GALNT12: variants seen among roughly 807,000 people sequenced by gnomAD.
GALNT12 encodes the protein polypeptide N-acetylgalactosaminyltransferase 12.
In GALNT12, 45 loss-of-function variants were observed where a neutral mutation model predicts 55.5. The ratio of observed to expected loss-of-function variants is 0.81; its 90% CI spans 0.64 to 1.04. GALNT12 has a LOEUF of 1.04. GALNT12 is among the 50% of genes least tolerant of loss of function. The pLI, the probability that GALNT12 is intolerant of heterozygous loss-of-function variation, is 0.00. For synonymous variants in GALNT12, 304 were observed against 312.2 expected (o/e 0.97, Z 0.28); for missense variants, 709 against 754.8 (o/e 0.94, Z 0.71).
intron 3 of GALNT12, among the ~76,000 whole-genome samples, chr9:98,828,082 T>A (rs1266619432): frequency 6.6e-6 from 1 of 152,228 alleles, no homozygotes; most frequent in Non-Finnish European, 1.5e-5. Flanking sequence ...GGAAGGGATC[T>A]TTGCTTGGCC....
At chr9:98,845,708 G>GC (rs1379422168) in intron 8 of GALNT12, among the ~76,000 whole-genome samples, 1 of 152,116 alleles carries the variant, frequency 6.6e-6, no homozygotes, top group African/African-American at 2.4e-5. Context: ...CTGCAGGCAG[G>GC]AGGTGACATG....
rs1250067386 is a variant in GALNT12, at chr9:98,828,636, G to T, written c.731+1695G>T. On this transcript the variant is annotated intron_variant, in intron 3 of 9. Transcript: ENST00000375011. ...GATTTTCCACCTCGGTTGTCTGTTA[G>T]AAATACCTGGGAAACTTTAAAAAAT... Among the ~76,000 whole-genome samples the T allele has an allele frequency of 2.6e-5, 4 of 152,214 alleles. No individual in the cohort carries two copies. The East Asian group carries it at 7.7e-4, about 29-fold the overall frequency.
chr9:98,823,123 G>A (rs889240934), intron 1 of GALNT12, 133 bp from the exon 2 acceptor site: 1 of 821,890 alleles, frequency 1.2e-6, no homozygotes, highest in Non-Finnish European at 2.1e-6. Context: ...GCCACAAGGG[G>A]AGCTCTGGAA....
chr9:98,813,146 A>C (rs1835528644), intron 1 of GALNT12, among the ~76,000 whole-genome samples: 1 of 152,212 alleles, frequency 6.6e-6, no homozygotes, highest in Non-Finnish European at 1.5e-5. Flanking sequence ...TGCTGTAGAG[A>C]GGTCTATTGT....
chr9:98,829,333 C>G (rs1198450013), intron 3 of GALNT12, among the ~76,000 whole-genome samples: 1 of 151,670 alleles, frequency 6.6e-6, no homozygotes, highest in African/African-American at 2.4e-5. Flanking sequence ...GGATTACAGG[C>G]ATGCACTACC....
chr9:98,823,375 C>A lies in GALNT12; in HGVS notation c.491C>A (p.Pro164Gln), dbSNP rs775040546. 1 of 1,614,162 alleles carries A rather than the reference C, an allele frequency of 6.2e-7. No homozygotes were observed. Among genetic ancestry groups the A allele is most frequent in the Middle Eastern group, 1.6e-4 (1 of 6,062 alleles). Residue 164 changes from proline to glutamine, a missense_variant, in exon 2 of 10, where the codon CCG (proline) becomes CAG (glutamine). Physicochemically the swap from Pro to Gln is moderately conservative, Grantham distance 76. Coordinates refer to ENST00000375011, the MANE Select transcript of GALNT12 (RefSeq NM_024642.5). Reference protein sequence around the residue: ...RTVYSVLETSPDILLEEVILV... With the variant: ...RTVYSVLETSQDILLEEVILV... ...GTTTACAGTGTCCTTGAGACATCCCCGGATATCCTGCTAGAAGAAGTGATC... is the reference window on the plus strand; with the variant it reads ...GTTTACAGTGTCCTTGAGACATCCCAGGATATCCTGCTAGAAGAAGTGATC...
chr9:98,833,458 A>C (rs1183573142), intron 4 of GALNT12, among the ~76,000 whole-genome samples: 1 of 152,180 alleles, frequency 6.6e-6, no homozygotes, highest in Non-Finnish European at 1.5e-5. Flanking sequence ...AGCAGGTAGA[A>C]GCCACTGAAG....
rs146370762 is a variant in GALNT12, at chr9:98,826,789, A to T, written c.579A>T (p.Gly193=). 1 of 1,611,966 alleles carries T rather than the reference A, an allele frequency of 6.2e-7. No homozygotes were observed. Among genetic ancestry groups the T allele is most frequent in the South Asian group, 1.1e-5 (1 of 90,770 alleles). Residue 193 remains glycine, a synonymous_variant, in exon 3 of 10, where the codon GGA becomes GGT. Coordinates refer to ENST00000375011, the MANE Select transcript of GALNT12 (RefSeq NM_024642.5). ...LKERLANELS[G]LPKVRLIRAN... is the part of the protein sequence containing the mutation. ...AGCGCTTGGCCAATGAGCTTTCGGG[A>T]CTGCCCAAGGTGCGCCTGATCCGCG...
At chr9:98,835,098 G>A (rs996803405) in intron 4 of GALNT12, 151 bp from the exon 5 acceptor site, 1 of 725,986 alleles carries the variant, frequency 1.4e-6, no homozygotes, top group African/African-American at 1.7e-5. Context: ...ATGCCTCCAG[G>A]CCCAGCCTAG....
Position 98,821,934 on chromosome 9 carries a change from C to G in GALNT12, c.372-1322C>G, listed in dbSNP as rs116971165. On this transcript the variant is annotated intron_variant, in intron 1 of 9. Coordinates refer to ENST00000375011, the MANE Select transcript of GALNT12 (RefSeq NM_024642.5). The stretch of plus-strand genomic sequence containing the variant: ...TTGTTTGTTTAGTTGATTACTGTCC[C>G]CCTGAATATGAGCTGCATGGGAGCA... 5.0e-3 allele frequency among the ~76,000 whole-genome samples: 764 copies of G among 152,266 alleles called. 6 individuals carry two copies. The highest frequency in any genetic ancestry group is 0.022 in the South Asian group (106 of 4,810).
In GALNT12 at chr9:98,826,912, C is replaced by A; in HGVS notation, c.702C>A (p.His234Gln). ...TCCTGGACTGTCACTGTGAGTGCCA[C>A]GAAGGGTGGCTGGAGCCGCTGCTGC... ...LTFLDCHCEC[H>Q]EGWLEPLLQR... Residue 234 changes from histidine (H) to glutamine (Q), a missense_variant, in exon 3 of 10, where the codon CAC (histidine) becomes CAA (glutamine). Physicochemically the swap from His to Gln is conservative, Grantham distance 24 (BLOSUM62 0). Around this residue, in one of 5 missense-constraint regions of GALNT12, gnomAD observed 315 missense variants for 288.6 expected, o/e 1.09. Transcript: ENST00000375011. 1 of 1,573,130 alleles carries A rather than the reference C, an allele frequency of 6.4e-7. No individual in the cohort carries two copies. The highest frequency in any genetic ancestry group is 8.6e-7 in the Non-Finnish European group (1 of 1,159,368).
intron 7 of GALNT12, among the ~76,000 whole-genome samples, chr9:98,842,843 A>C (rs908108071): frequency 6.6e-6 from 1 of 152,248 alleles, no homozygotes; most frequent in Admixed American, 6.5e-5. Flanking sequence ...TGTTTAACTC[A>C]GTATATCCCA....
At chr9:98,820,747 C>T (rs1835717897) in intron 1 of GALNT12, among the ~76,000 whole-genome samples, 1 of 152,220 alleles carries the variant, frequency 6.6e-6, no homozygotes, top group African/African-American at 2.4e-5. Context: ...TCTCCACAAC[C>T]TTGCCAGCAT....
Position 98,839,986 on chromosome 9 carries a change from TTTG to T in GALNT12, c.1213-10_1213-8del, listed in dbSNP as rs774753845. ...ACTAGGACCCATGGGGTCTCACTGTTTTGTTGTTTTCTCAGGAACCTTTTGGGG... is the reference window on the plus strand; with the variant it reads ...ACTAGGACCCATGGGGTCTCACTGTTTTGTTTTCTCAGGAACCTTTTGGGG... On this transcript the variant is annotated splice_polypyrimidine_tract_variant and intron_variant, in intron 6 of 9. Coordinates refer to ENST00000375011, the MANE Select transcript of GALNT12 (RefSeq NM_024642.5). 5.0e-6 allele frequency: 8 copies of T among 1,613,538 alleles called. No homozygotes were observed. The highest frequency in any genetic ancestry group is 2.2e-5 in the South Asian group (2 of 91,078).
intron 4 of GALNT12, 73 bp downstream of exon 4, chr9:98,832,030 G>A: frequency 1.5e-6 from 2 of 1,315,952 alleles, no homozygotes; most frequent in East Asian, 2.5e-5. Flanking sequence ...GTGAGCGGAG[G>A]CCCTCGGGAG....
rs778251729 is a variant in GALNT12, at chr9:98,835,351, C to T, written c.1020C>T (p.Leu340=). Residue 340 remains leucine (L), a synonymous_variant, in exon 5 of 10, where the codon CTC becomes CTT. Coordinates refer to ENST00000375011, the MANE Select transcript of GALNT12 (RefSeq NM_024642.5). Reference sequence around the variant, plus strand: ...TGGAAGTTTGGGGAGGAGAAAACCTCGAATTTTCCTTTAGGGTAAGTATTT... The same window carrying T: ...TGGAAGTTTGGGGAGGAGAAAACCTTGAATTTTCCTTTAGGGTAAGTATTT... ...TGMEVWGGEN[L]EFSFRIWQCG... 7.5e-6 allele frequency: 12 copies of T among 1,596,154 alleles called. No homozygotes were observed. The highest frequency in any genetic ancestry group is 1.7e-4 in the Middle Eastern group (1 of 6,036).
intron 1 of GALNT12, among the ~76,000 whole-genome samples, chr9:98,808,660 CT>C (rs1055595741): frequency 2.0e-5 from 3 of 152,218 alleles, no homozygotes; most frequent in African/African-American, 7.2e-5. Flanking sequence ...AGGGCTCCTT[CT>C]GGCCGTGATC....
At chr9:98,843,438 G>A in intron 7 of GALNT12, among the ~76,000 whole-genome samples, 1 of 149,438 alleles carries the variant, frequency 6.7e-6, no homozygotes, top group East Asian at 2.0e-4. Context: ...ACAGAGTCTT[G>A]CCTTATTGCC....
At chr9:98,822,746 A>G (rs1231616293) in intron 1 of GALNT12, among the ~76,000 whole-genome samples, 3 of 152,104 alleles carry the variant, frequency 2.0e-5, no homozygotes, top group Non-Finnish European at 4.4e-5. Context: ...GCATGCTGAG[A>G]TGGAGGTGGG....
Sources: gnomAD v4.1 joint callset for allele counts (sites outside exome capture counted in the v4.1 genomes callset) on GRCh38, gnomAD v4.1.1 for gene constraint, gnomAD v4.1.1 regional missense constraint, MANE v1.5 for transcripts, NCBI Gene and HGNC (gene_info 2026-07-23, HGNC 2026-07-21) for gene names.